The following ZNF438 variants were observed in gnomAD, a reference collection of about 807,000 sequenced individuals.
The protein encoded by ZNF438 is zinc finger protein 438.
Under a neutral mutation model 38.0 loss-of-function variants are expected in ZNF438, and 25 were observed. The ratio of observed to expected loss-of-function variants is 0.66; its 90% CI spans 0.48 to 0.92. The LOEUF is 0.92. Ranked by LOEUF, ZNF438 falls within the 40% of genes least tolerant of loss-of-function variation. ZNF438 has a pLI of 0.00. For synonymous variants in ZNF438, 372 were observed against 364.1 expected, an observed-to-expected ratio of 1.02 and a Z score of -0.25; for missense variants, 1,007 against 999.6, an observed-to-expected ratio of 1.01 and a Z score of -0.10.
chr10:31,008,658 T>C (rs753109828), intron 1 of ZNF438, among the ~76,000 whole-genome samples: 13 of 152,226 alleles, frequency 8.5e-5, no homozygotes, highest in Non-Finnish European at 1.9e-4. Flanking sequence ...ATGTACCACA[T>C]TTTGTTTATA....
At chr10:30,972,028 G>A (rs1447780648) in intron 1 of ZNF438, among the ~76,000 whole-genome samples, 1 of 151,494 alleles carries the variant, frequency 6.6e-6, no homozygotes, top group Admixed American at 6.6e-5. Context: ...GGAGTGCAGT[G>A]GCACAATCTT....
chr10:30,946,258 C>A (rs1470582310), intron 1 of ZNF438, among the ~76,000 whole-genome samples: 1 of 152,074 alleles, frequency 6.6e-6, no homozygotes, highest in African/African-American at 2.4e-5. Context: ...AAAACCTAGG[C>A]ATTACCATTC....
intron 3 of ZNF438, among the ~76,000 whole-genome samples, chr10:30,883,299 C>A (rs568398184): frequency 7.9e-4 from 120 of 152,232 alleles, no homozygotes; most frequent in African/African-American, 2.8e-3. Flanking sequence ...TGGCAATGTG[C>A]ATCCTGAGCT....
chr10:30,900,827 C>G (rs977015211), intron 3 of ZNF438, among the ~76,000 whole-genome samples: 1 of 152,176 alleles, frequency 6.6e-6, no homozygotes, highest in Admixed American at 6.5e-5. Context: ...ATGGCCTATA[C>G]TGCAGTAAGA....
At chr10:30,946,629 A>G (rs2047445988) in intron 1 of ZNF438, among the ~76,000 whole-genome samples, 1 of 152,220 alleles carries the variant, frequency 6.6e-6, no homozygotes. Flanking sequence ...TTTGAAGGGA[A>G]TATTTTGTAG....
At chr10:31,010,901 A>G (rs2055625250) in intron 1 of ZNF438, among the ~76,000 whole-genome samples, 1 of 28,718 alleles carries the variant, frequency 3.5e-5, no homozygotes. Context: ...TGAAAAAAAA[A>G]AAAAAAAAAA....
intron 1 of ZNF438, among the ~76,000 whole-genome samples, chr10:30,977,198 A>T (rs2051463308): frequency 6.6e-6 from 1 of 152,250 alleles, no homozygotes; most frequent in South Asian, 2.1e-4. Context: ...TTTAAAAACT[A>T]CTTTAATTGA....
At chr10:30,975,353 C>T (rs2051219989) in intron 1 of ZNF438, among the ~76,000 whole-genome samples, 1 of 152,178 alleles carries the variant, frequency 6.6e-6, no homozygotes, top group Admixed American at 6.5e-5. Context: ...ATGGGGAAAA[C>T]AGTCTTAGAG....
At chr10:31,032,016 A>G (rs1188235912), upstream of ZNF438, 1 of 151,946 alleles carries the variant, frequency 6.6e-6, no homozygotes, top group Non-Finnish European at 1.5e-5. Flanking sequence ...CCCGTAGCAG[A>G]CACCCCGCGC....
At chr10:30,997,422 A>C (rs1338891376) in intron 1 of ZNF438, among the ~76,000 whole-genome samples, 1 of 152,186 alleles carries the variant, frequency 6.6e-6, no homozygotes, top group Non-Finnish European at 1.5e-5. Context: ...GAATGAGAAG[A>C]CTGAAAATGA....
Position 30,844,755 on chromosome 10 carries a change from TAA to T in ZNF438, c.*204_*205del, listed in dbSNP as rs1221423671. The T allele has an allele frequency of 7.8e-5, 46 of 586,254 alleles. 2 individuals are homozygous for T. In the South Asian group the frequency reaches 1.0e-3, roughly 13 times the overall value. 36.3% of individuals were successfully genotyped at this position (586,254 alleles called of 1,614,324 possible). A position where few individuals can be genotyped will look rare whatever the true frequency, so the allele number is the denominator to read the frequency against. On this transcript the variant is annotated 3_prime_UTR_variant, in exon 6 of 6. Coordinates refer to ENST00000413025, the Ensembl canonical transcript of ZNF438. ...TTAAGAATCAGTACGTATTTTAAAA[TAA>T]GACTGCATATAGTTAGAAAAATATG...
At chr10:30,862,013 T>C (rs1008571904) in intron 4 of ZNF438, among the ~76,000 whole-genome samples, 4 of 152,208 alleles carry the variant, frequency 2.6e-5, no homozygotes, top group Non-Finnish European at 5.9e-5. Context: ...GTTGTTATTA[T>C]CACTAAAATT....
intron 1 of ZNF438, among the ~76,000 whole-genome samples, chr10:30,973,189 G>A (rs1440289599): frequency 6.6e-6 from 1 of 152,168 alleles, no homozygotes; most frequent in Non-Finnish European, 1.5e-5. Context: ...TCTAATCTCA[G>A]AACACAGTCA....
intron 1 of ZNF438, among the ~76,000 whole-genome samples, chr10:31,026,338 C>T (rs369072483): frequency 1.4e-4 from 22 of 152,150 alleles, no homozygotes; most frequent in African/African-American, 5.3e-4. Context: ...TGCAATCTAC[C>T]CATCTGACAA....
rs78672145 is a variant in ZNF438, at chr10:31,003,727, C to T, written c.-192+28106G>A. Among the ~76,000 whole-genome samples, 195 of 152,244 alleles carry T rather than the reference C, an allele frequency of 1.3e-3. 2 individuals are homozygous for T. The highest frequency in any genetic ancestry group is 4.5e-3 in the African/African-American group (189 of 41,542). On this transcript the variant is annotated intron_variant, in intron 1 of 5. Coordinates refer to ENST00000413025, the Ensembl canonical transcript of ZNF438. The stretch of plus-strand genomic sequence containing the variant: ...CCACAGTAGCCTCTTAACTGGTCTT[C>T]CTGCTTTCAGTCTTCCAAGTCATAG...
At chr10:31,021,614 T>C (rs960550938) in intron 1 of ZNF438, among the ~76,000 whole-genome samples, 1 of 152,220 alleles carries the variant, frequency 6.6e-6, no homozygotes, top group African/African-American at 2.4e-5. Context: ...TTGCTGTTTA[T>C]TTTATATTTA....
chr10:30,929,701 T>C (rs2045404528), intron 2 of ZNF438, among the ~76,000 whole-genome samples: 1 of 152,182 alleles, frequency 6.6e-6, no homozygotes. Flanking sequence ...GGCTGACTGA[T>C]CCATTTTGAC....
rs555752604 is a variant in ZNF438, at chr10:30,897,765, C to A, written c.-32+11168G>T. Among the ~76,000 whole-genome samples the A allele has an allele frequency of 2.6e-5, 4 of 152,334 alleles. No individual in the cohort carries two copies. In the East Asian group the frequency reaches 7.7e-4, roughly 29 times the overall value. The stretch of plus-strand genomic sequence containing the variant: ...TGTACTCACAACACTGACAGTGAGA[C>A]AAGCAGACAGTGGTGAGGACATGTG... On this transcript the variant is annotated intron_variant, in intron 3 of 5. Transcript: ENST00000413025.
At chr10:30,849,633 T>G in exon 5 of ZNF438, 1 of 1,614,202 alleles carries the variant, frequency 6.2e-7, no homozygotes. Flanking sequence ...TCTTTAAATT[T>G]TTCACTGGCA....
Sources: gnomAD v4.1 joint callset for allele counts (sites outside exome capture counted in the v4.1 genomes callset) on GRCh38, gnomAD v4.1.1 for gene constraint, MANE v1.5 for transcripts, NCBI Gene and HGNC (gene_info 2026-07-23, HGNC 2026-07-21) for gene names.